Variants in CPNE8 observed in about 807,000 individuals in gnomAD.
CPNE8 encodes the protein copine-8.
A neutral mutation model predicts 81.5 loss-of-function variants in CPNE8; 45 were observed. That is an observed-to-expected ratio of 0.55 (90% CI 0.44 to 0.71). The LOEUF (loss-of-function observed/expected upper bound fraction) is 0.71, where lower values mean the gene tolerates loss of function less well. Among genes scored for constraint, CPNE8 ranks in the 30% least tolerant of loss-of-function variants. The pLI is 0.00. For missense variants in CPNE8, 594 were observed against 672.1 expected (o/e 0.88, Z 1.28); for synonymous variants, 252 against 226.3 (o/e 1.11, Z -1.02).
At chr12:38,896,460 A>G (rs1057128750) in intron 1 of CPNE8, among the ~76,000 whole-genome samples, 3 of 152,154 alleles carry the variant, frequency 2.0e-5, no homozygotes, top group Non-Finnish European at 4.4e-5. Context: ...CTATTTTATT[A>G]CAGGCAATAA....
At chr12:38,740,377 A>C (rs1941067702) in intron 10 of CPNE8, among the ~76,000 whole-genome samples, 1 of 152,130 alleles carries the variant, frequency 6.6e-6, no homozygotes, top group Admixed American at 6.6e-5. Flanking sequence ...TTCCTAATTG[A>C]ATACTGTTTC....
chr12:38,889,341 C>T lies in CPNE8; in HGVS notation c.99-14830G>A, dbSNP rs563352901. Among the ~76,000 whole-genome samples the T allele has an allele frequency of 2.0e-5, 3 of 152,292 alleles. No homozygotes were observed. In the East Asian group the frequency reaches 5.8e-4, roughly 29 times the overall value. On this transcript the variant is annotated intron_variant, in intron 1 of 19. Coordinates refer to ENST00000331366, the MANE Select transcript of CPNE8 (RefSeq NM_153634.3). ...AAAAGTCTTCATAGTATGAGTGATG[C>T]TTGAACTATCGGCAGAGTCCATCAG... is the stretch of plus-strand genomic sequence containing the variant.
intron 1 of CPNE8, among the ~76,000 whole-genome samples, chr12:38,898,133 C>T (rs1474476703): frequency 4.6e-5 from 7 of 152,032 alleles, no homozygotes; most frequent in Non-Finnish European, 8.8e-5. Context: ...AATAACAGAC[C>T]TAAAGGAGCA....
chr12:38,904,330 A>T (rs1944531157), intron 1 of CPNE8, among the ~76,000 whole-genome samples: 1 of 152,178 alleles, frequency 6.6e-6, no homozygotes, highest in Non-Finnish European at 1.5e-5. Context: ...CCAATTTAGC[A>T]CCATCGCTCA....
chr12:38,730,811 T>TA (rs1940814069), intron 10 of CPNE8, among the ~76,000 whole-genome samples: 1 of 151,298 alleles, frequency 6.6e-6, no homozygotes, highest in Non-Finnish European at 1.5e-5. Context: ...GATGCTATTT[T>TA]AAAAAGTTAT....
intron 10 of CPNE8, among the ~76,000 whole-genome samples, chr12:38,743,162 C>T (rs1486512007): frequency 6.6e-6 from 1 of 151,672 alleles, no homozygotes; most frequent in African/African-American, 2.4e-5. Flanking sequence ...AAAAGCAAAC[C>T]CGTTTATGAC....
chr12:38,703,722 C>G (rs1280875295), intron 13 of CPNE8, among the ~76,000 whole-genome samples: 1 of 152,100 alleles, frequency 6.6e-6, no homozygotes, highest in Non-Finnish European at 1.5e-5. Flanking sequence ...CTAAAAGGCT[C>G]CTGGAACTGA....
At chr12:38,757,638 T>C (rs528656162) in intron 10 of CPNE8, among the ~76,000 whole-genome samples, 1 of 151,990 alleles carries the variant, frequency 6.6e-6, no homozygotes, top group Non-Finnish European at 1.5e-5. Flanking sequence ...TTTGCTAACA[T>C]TGAAAAAGGT....
intron 18 of CPNE8, among the ~76,000 whole-genome samples, chr12:38,675,095 C>A (rs1478257117): frequency 2.0e-5 from 3 of 152,236 alleles, no homozygotes; most frequent in African/African-American, 7.2e-5. Context: ...TTTGAACAAG[C>A]CTTGAGCCTG....
intron 3 of CPNE8, among the ~76,000 whole-genome samples, chr12:38,861,362 G>A (rs1244827979): frequency 6.6e-6 from 1 of 152,010 alleles, no homozygotes; most frequent in Non-Finnish European, 1.5e-5. Context: ...CATATATTAA[G>A]TGTTCTTATC....
chr12:38,672,899 TA>T (rs766575097), intron 18 of CPNE8, among the ~76,000 whole-genome samples: 1 of 152,144 alleles, frequency 6.6e-6, no homozygotes, highest in Non-Finnish European at 1.5e-5. Flanking sequence ...TCTTTCAGGT[TA>T]AAAAATGTGT....
At chr12:38,661,075 A>T (rs1938941358) in intron 19 of CPNE8, among the ~76,000 whole-genome samples, 1 of 152,220 alleles carries the variant, frequency 6.6e-6, no homozygotes, top group African/African-American at 2.4e-5. Flanking sequence ...CTAGAACTAG[A>T]AATACCATTT....
intron 6 of CPNE8, among the ~76,000 whole-genome samples, chr12:38,806,022 T>C (rs373978530): frequency 1.0e-4 from 15 of 150,194 alleles, no homozygotes; most frequent in African/African-American, 2.9e-4. Context: ...ATAAATTCCT[T>C]GACACATACA....
chr12:38,867,278 A>T (rs2137093427), intron 3 of CPNE8, among the ~76,000 whole-genome samples: 1 of 151,056 alleles, frequency 6.6e-6, no homozygotes, highest in South Asian at 2.1e-4. Context: ...GTTTACAAAA[A>T]AGTCCTTGAT....
chr12:38,839,951 C>T lies in CPNE8; in HGVS notation c.295G>A (p.Asp99Asn), dbSNP rs1157502059. The T allele has an allele frequency of 1.3e-6, 2 of 1,580,366 alleles. No homozygotes were observed. Among genetic ancestry groups the T allele is most frequent in the Admixed American group, 3.5e-5 (2 of 56,900 alleles). The change falls in exon 5 of 20, where the codon GAT (aspartate) becomes AAT (asparagine). Residue 99 changes from aspartate (D) to asparagine (N), a missense_variant. Physicochemically the swap from Asp to Asn is conservative, Grantham distance 23 (BLOSUM62 1). Transcript: ENST00000331366. ...ERENLRFDLYDVDSKSPNLSK... is the reference protein window; with the variant it reads ...ERENLRFDLYNVDSKSPNLSK... The stretch of plus-strand genomic sequence containing the variant: ...AAGTTGGGGCTCTTTGAATCAACAT[C>T]ATACCTAAAAGATTGAAATATAAAA...
chr12:38,661,411 G>C (rs1253078377), intron 19 of CPNE8, among the ~76,000 whole-genome samples: 1 of 152,070 alleles, frequency 6.6e-6, no homozygotes, highest in Non-Finnish European at 1.5e-5. Flanking sequence ...TGAACAATGA[G>C]AACACTTGGA....
chr12:38,845,314 T>A (rs1324323661), intron 4 of CPNE8, among the ~76,000 whole-genome samples: 1 of 152,168 alleles, frequency 6.6e-6, no homozygotes, highest in East Asian at 1.9e-4. Context: ...CCAGAAACCA[T>A]TCTGGTACGT....
At chr12:38,673,028 C>G (rs1296010307) in intron 18 of CPNE8, among the ~76,000 whole-genome samples, 1 of 152,018 alleles carries the variant, frequency 6.6e-6, no homozygotes, top group African/African-American at 2.4e-5. Context: ...ACCTGTAATC[C>G]CCACATGTAG....
rs190854245 is a variant in CPNE8 at position 38,695,044 on chromosome 12, T to A, written c.962-1206A>T. Among the ~76,000 whole-genome samples the A allele has an allele frequency of 1.4e-3, 220 of 152,272 alleles. 1 individual carries two copies. Among genetic ancestry groups the A allele is most frequent in the African/African-American group, 5.0e-3 (208 of 41,568 alleles). On this transcript the variant is annotated intron_variant, in intron 14 of 19. Coordinates refer to ENST00000331366, the MANE Select transcript of CPNE8 (RefSeq NM_153634.3). ...CAAGGGCTGGCTCCACATAACAAAA[T>A]CACTAAAAAAGTATCTTCTTATCAA... is the stretch of plus-strand genomic sequence containing the variant.
Sources: gnomAD v4.1 joint callset for allele counts (sites outside exome capture counted in the v4.1 genomes callset) on GRCh38, gnomAD v4.1.1 for gene constraint, MANE v1.5 for transcripts, NCBI Gene and HGNC (gene_info 2026-07-23, HGNC 2026-07-21) for gene names.